Variants in ABCA10 observed in about 807,000 individuals in gnomAD.
ABCA10 encodes the protein ATP binding cassette subfamily A member 10, also known as ATP-binding cassette sub-family A member 10.
ABCA10 carries 169 observed loss-of-function variants against 187.5 expected under a neutral mutation model. The observed-to-expected ratio is 0.90, with a 90% CI of 0.80 to 1.02. The LOEUF (loss-of-function observed/expected upper bound fraction) is 1.02. Among genes scored for constraint, ABCA10 ranks in the 50% least tolerant of loss-of-function variants. ABCA10 has a pLI of 0.00. For missense variants in ABCA10, 1,727 were observed against 1,812.4 expected, an observed-to-expected ratio of 0.95 and a Z score of 0.86; for synonymous variants, 574 against 601.8, an observed-to-expected ratio of 0.95 and a Z score of 0.68.
At chr17:69,166,240 G>C (rs2074254104) in intron 25 of ABCA10, among the ~76,000 whole-genome samples, 1 of 151,858 alleles carries the variant, frequency 6.6e-6, no homozygotes, top group Admixed American at 6.6e-5. Flanking sequence ...ATTGTGTTTA[G>C]TGCAATACCA....
intron 9 of ABCA10, among the ~76,000 whole-genome samples, chr17:69,214,498 G>A (rs993550433): frequency 7.3e-6 from 1 of 136,196 alleles, no homozygotes; most frequent in Non-Finnish European, 1.6e-5. Context: ...CTGGGCGACA[G>A]AGCGAGACTC....
intron 28 of ABCA10, 100 bp from the exon 29 acceptor site, chr17:69,156,025 G>C: frequency 7.6e-7 from 1 of 1,309,126 alleles, no homozygotes; most frequent in Non-Finnish European, 1.0e-6. Flanking sequence ...TTTTAAAAAA[G>C]ACTATCACAT....
intron 1 of ABCA10, among the ~76,000 whole-genome samples, chr17:69,241,353 G>A (rs925060848): frequency 6.6e-6 from 1 of 152,030 alleles, no homozygotes; most frequent in African/African-American, 2.4e-5. Flanking sequence ...CAAATGCAAT[G>A]GCCTCCTAAC....
intron 25 of ABCA10, among the ~76,000 whole-genome samples, chr17:69,173,112 T>G (rs1347088316): frequency 1.3e-5 from 2 of 152,158 alleles, no homozygotes. Flanking sequence ...CTGACAAGCC[T>G]ACCTTTACAA....
At position 69,148,713 on chromosome 17, in the gene ABCA10, A is replaced by G; in HGVS notation, c.*114T>C. The G allele has an allele frequency of 1.1e-6, 1 of 888,538 alleles. No individual in the cohort carries two copies. Among genetic ancestry groups the G allele is most frequent in the African/African-American group, 1.7e-5 (1 of 58,818 alleles). The allele number at this position is 888,538 out of a possible 1,614,324, so 55.0% of individuals were successfully genotyped here. On this transcript the variant is annotated 3_prime_UTR_variant, in exon 39 of 39. Coordinates refer to ENST00000690296, the MANE Select transcript of ABCA10 (RefSeq NM_001377321.1). ...AAATGAAAACTGTAATCATTATTGA[A>G]TGTTTATTAAATGTTTTCTTTTGTT...
chr17:69,190,702 TC>T (rs1458906172), intron 17 of ABCA10, among the ~76,000 whole-genome samples: 2 of 152,052 alleles, frequency 1.3e-5, no homozygotes, highest in Non-Finnish European at 2.9e-5. Context: ...AATTCTTGTA[TC>T]ATTATTGCTG....
Position 69,201,350 on chromosome 17 carries a change from T to C in ABCA10, c.1175+150A>G, listed in dbSNP as rs2364992. 419,681 of 679,624 alleles carry C rather than the reference T, an allele frequency of 0.62. 134,423 individuals carry two copies. The highest frequency in any genetic ancestry group is 0.67 in the Non-Finnish European group (307,129 of 457,660). The allele number at this position is 679,624 out of a possible 1,614,324, so 42.1% of individuals were successfully genotyped here. On this transcript the variant is annotated intron_variant, in intron 10 of 38. Transcript: ENST00000690296. Reference sequence around the variant, plus strand: ...TGTTGATAGTATCAACAGTATTCACTTTGAAAATGGTGAATGAGAGGAATT... The same window carrying C: ...TGTTGATAGTATCAACAGTATTCACCTTGAAAATGGTGAATGAGAGGAATT...
chr17:69,211,360 T>C (rs59363436), intron 9 of ABCA10, among the ~76,000 whole-genome samples: 3,610 of 30,002 alleles, frequency 0.12, 126 homozygotes, highest in Admixed American at 0.29. Flanking sequence ...TATATATATA[T>C]ACACACACAC....
chr17:69,227,505 A>G (rs1392447900), intron 1 of ABCA10, among the ~76,000 whole-genome samples: 2 of 151,862 alleles, frequency 1.3e-5, no homozygotes, highest in Non-Finnish European at 2.9e-5. Context: ...GATAAAGGAG[A>G]TAGTATATAA....
chr17:69,161,862 G>A (rs1444000674), intron 27 of ABCA10, among the ~76,000 whole-genome samples: 2 of 152,116 alleles, frequency 1.3e-5, no homozygotes, highest in East Asian at 1.9e-4. Flanking sequence ...AGTTTATGAG[G>A]GCAATGGCCC....
intron 1 of ABCA10, among the ~76,000 whole-genome samples, chr17:69,241,035 C>A (rs1486569530): frequency 6.6e-6 from 1 of 152,234 alleles, no homozygotes; most frequent in Non-Finnish European, 1.5e-5. Context: ...GACATCTCCA[C>A]TTGGATGTCT....
At chr17:69,172,093 G>T (rs2074302585) in intron 25 of ABCA10, among the ~76,000 whole-genome samples, 1 of 151,844 alleles carries the variant, frequency 6.6e-6, no homozygotes, top group Non-Finnish European at 1.5e-5. Flanking sequence ...ATTAAAAAAA[G>T]AAAACCAAAA....
chr17:69,161,371 A>G (rs559861811), intron 27 of ABCA10, among the ~76,000 whole-genome samples: 2 of 152,320 alleles, frequency 1.3e-5, no homozygotes, highest in Admixed American at 6.5e-5. Context: ...ATATTTAAAA[A>G]TCATAAGGAT....
intron 36 of ABCA10, 45 bp from the exon 37 acceptor site, chr17:69,150,108 T>C: frequency 7.0e-7 from 1 of 1,432,598 alleles, no homozygotes; most frequent in Admixed American, 1.9e-5. Context: ...TTCAGTGTGA[T>C]AATACGGGGG....
At chr17:69,211,560 A>G (rs914627896) in intron 9 of ABCA10, among the ~76,000 whole-genome samples, 2 of 150,982 alleles carry the variant, frequency 1.3e-5, no homozygotes, top group Non-Finnish European at 3.0e-5. Context: ...ATAGGTATCA[A>G]TTCTTCTTTG....
At position 69,156,885 on chromosome 17, in the gene ABCA10, C is replaced by T. The variant is rs779778698; in HGVS notation, c.3402G>A (p.Arg1134=). ...LQSVIFLFVI[R]CLEMKYGNEI... The stretch of plus-strand genomic sequence containing the variant: ...CATTTCCATACTTCATTTCCAGACA[C>T]CTTATGACAAAAAGGAAAATAACAC... The change falls in exon 28 of 39, where the codon AGG becomes AGA. Residue 1134 remains arginine, a synonymous_variant. Coordinates refer to ENST00000690296, the MANE Select transcript of ABCA10 (RefSeq NM_001377321.1). 4.4e-6 allele frequency: 7 copies of T among 1,588,484 alleles called. No homozygotes were observed. The South Asian group carries it at 4.6e-5, about 10-fold the overall frequency.
At chr17:69,163,551 A>C (rs181290165) in intron 27 of ABCA10, among the ~76,000 whole-genome samples, 34 of 152,346 alleles carry the variant, frequency 2.2e-4, no homozygotes, top group African/African-American at 7.9e-4. Context: ...ATCAAAACAA[A>C]TTTAGAGGTT....
rs139743225 is a variant in ABCA10 at position 69,154,884 on chromosome 17, T to A, written c.3694+135A>T. On this transcript the variant is annotated intron_variant, in intron 30 of 38. Coordinates refer to ENST00000690296, the MANE Select transcript of ABCA10 (RefSeq NM_001377321.1). ...TAGAAAAGACTTATCTGCTGACATGTGAAGAAGTTTTATAATTACACATTA... is the reference window on the plus strand; with the variant it reads ...TAGAAAAGACTTATCTGCTGACATGAGAAGAAGTTTTATAATTACACATTA... 1,231 of 579,750 alleles carry A rather than the reference T, an allele frequency of 2.1e-3. 6 individuals carry two copies. Among genetic ancestry groups the A allele is most frequent in the Middle Eastern group, 6.6e-3 (14 of 2,108 alleles). 35.9% of individuals were successfully genotyped at this position (579,750 alleles called of 1,614,324 possible). A position where few individuals can be genotyped will look rare whatever the true frequency, so the allele number is the denominator to read the frequency against.
chr17:69,153,722 T>C, intron 32 of ABCA10, 109 bp downstream of exon 32: 1 of 1,465,128 alleles, frequency 6.8e-7, no homozygotes. Context: ...ATCATTTTAT[T>C]TGCATGAAAA....
Sources: allele counts gnomAD v4.1 joint callset (sites outside exome capture counted in the v4.1 genomes callset), GRCh38; gene constraint gnomAD v4.1.1; transcripts MANE v1.5; gene names NCBI Gene and HGNC (gene_info 2026-07-23, HGNC 2026-07-21).